Variants in CAB39L observed in about 807,000 individuals in gnomAD.
The protein encoded by CAB39L is calcium-binding protein 39-like.
A neutral mutation model predicts 39.1 loss-of-function variants in CAB39L; 23 were observed. The observed-to-expected ratio is 0.59, with a 90% confidence interval of 0.42 to 0.83. The LOEUF (loss-of-function observed/expected upper bound fraction) is 0.83, where lower values mean the gene tolerates loss of function less well. Among genes scored for constraint, CAB39L ranks in the 40% least tolerant of loss-of-function variants. CAB39L has a pLI of 0.00. For missense variants in CAB39L, 366 were observed against 391.9 expected, an observed-to-expected ratio of 0.93 and a Z score of 0.56; for synonymous variants, 126 against 137.2, an observed-to-expected ratio of 0.92 and a Z score of 0.57.
chr13:49,370,153 A>C (rs1474499666), intron 5 of CAB39L, among the ~76,000 whole-genome samples: 2 of 152,130 alleles, frequency 1.3e-5, no homozygotes, highest in Admixed American at 1.3e-4. Flanking sequence ...TGAATGGATT[A>C]GTGAGGGATC....
intron 5 of CAB39L, among the ~76,000 whole-genome samples, chr13:49,368,498 C>T (rs1955829630): frequency 1.3e-5 from 2 of 151,912 alleles, no homozygotes; most frequent in South Asian, 4.1e-4. Flanking sequence ...TTTTGCAACC[C>T]GCAGGCTGCC....
At chr13:49,431,077 T>C (rs74403654) in intron 3 of CAB39L, among the ~76,000 whole-genome samples, 2,883 of 152,356 alleles carry the variant, frequency 0.019, 86 homozygotes, top group African/African-American at 0.066. Flanking sequence ...AGTTTGGACA[T>C]ATGTGTATTT....
At position 49,382,921 on chromosome 13, in the gene CAB39L, CTCT is replaced by C; in HGVS notation, c.-14_-12del. The C allele has an allele frequency of 6.7e-7, 1 of 1,492,718 alleles. No homozygotes were observed. The highest frequency in any genetic ancestry group is 9.3e-7 in the Non-Finnish European group (1 of 1,076,100). 92.5% of individuals were successfully genotyped at this position (1,492,718 alleles called of 1,614,324 possible). On this transcript the variant is annotated 5_prime_UTR_variant, in exon 4 of 11. Transcript: ENST00000409308. ...AGGCATTTTTTTCATGTGTAGAAAT[CTCT>C]TCTTCCAATATGGAATGCTAAAAAC... is the stretch of plus-strand genomic sequence containing the variant.
At chr13:49,381,255 A>G (rs564148309) in intron 4 of CAB39L, among the ~76,000 whole-genome samples, 1 of 152,310 alleles carries the variant, frequency 6.6e-6, no homozygotes, top group African/African-American at 2.4e-5. Flanking sequence ...GTAATTTTTC[A>G]TATCCTTAAT....
intron 3 of CAB39L, among the ~76,000 whole-genome samples, chr13:49,418,396 G>A (rs1201181296): frequency 6.6e-6 from 1 of 152,128 alleles, no homozygotes; most frequent in Non-Finnish European, 1.5e-5. Context: ...AAGGGGAAGT[G>A]ACTGCTAAGG....
At chr13:49,342,781 G>C (rs1955041525) in intron 8 of CAB39L, among the ~76,000 whole-genome samples, 2 of 152,164 alleles carry the variant, frequency 1.3e-5, no homozygotes, top group Non-Finnish European at 2.9e-5. Context: ...GAGATGTGCT[G>C]TAAGTGTAAA....
intron 9 of CAB39L, among the ~76,000 whole-genome samples, chr13:49,334,683 G>A (rs1036360850): frequency 2.0e-5 from 3 of 152,196 alleles, no homozygotes; most frequent in Non-Finnish European, 4.4e-5. Flanking sequence ...ACTGTGTGAT[G>A]TGCATGGGTA....
chr13:49,323,696 G>A (rs909451933), intron 10 of CAB39L, among the ~76,000 whole-genome samples: 1 of 152,142 alleles, frequency 6.6e-6, no homozygotes, highest in Non-Finnish European at 1.5e-5. Context: ...TTAACATGAC[G>A]ATGCTTGTCA....
chr13:49,406,698 T>C (rs959504915), intron 3 of CAB39L, among the ~76,000 whole-genome samples: 14 of 152,220 alleles, frequency 9.2e-5, no homozygotes, highest in Admixed American at 9.2e-4. Context: ...TAGTTTGTTT[T>C]GATGCTTTTA....
intron 10 of CAB39L, among the ~76,000 whole-genome samples, chr13:49,322,376 T>A (rs1295398822): frequency 1.3e-5 from 2 of 152,228 alleles, no homozygotes; most frequent in Non-Finnish European, 2.9e-5. Flanking sequence ...AAGTATTCAA[T>A]GAGTATGTCC....
intron 7 of CAB39L, among the ~76,000 whole-genome samples, chr13:49,346,104 T>TATATATATATATATATATAG (rs1955158715): frequency 2.2e-5 from 1 of 44,950 alleles, no homozygotes; most frequent in African/African-American, 8.9e-5. Flanking sequence ...ATGCTAGATA[T>TATATATATATATATATATAG]ATATATATAT....
At chr13:49,391,252 T>C (rs1956482993) in intron 3 of CAB39L, among the ~76,000 whole-genome samples, 1 of 152,164 alleles carries the variant, frequency 6.6e-6, no homozygotes, top group African/African-American at 2.4e-5. Flanking sequence ...AATTCTATAC[T>C]TTACCAATTA....
chr13:49,412,237 T>C (rs540115492), intron 3 of CAB39L, among the ~76,000 whole-genome samples: 2 of 152,282 alleles, frequency 1.3e-5, no homozygotes, highest in Non-Finnish European at 1.5e-5. Flanking sequence ...ATTTTAAAAT[T>C]AGTCACTGAT....
chr13:49,358,501 A>G (rs758321064), intron 6 of CAB39L, among the ~76,000 whole-genome samples: 1 of 152,196 alleles, frequency 6.6e-6, no homozygotes, highest in Admixed American at 6.5e-5. Context: ...GATGAAAACA[A>G]TGATGAACAA....
chr13:49,342,692 A>C (rs1346799224), intron 8 of CAB39L, among the ~76,000 whole-genome samples: 2 of 152,182 alleles, frequency 1.3e-5, no homozygotes, highest in African/African-American at 4.8e-5. Flanking sequence ...CCCTTCCCTA[A>C]GTCCTAGTTT....
chr13:49,374,772 C>T (rs187570113), intron 5 of CAB39L, among the ~76,000 whole-genome samples: 7 of 152,170 alleles, frequency 4.6e-5, no homozygotes, highest in Admixed American at 3.3e-4. Flanking sequence ...CTGAACCTGA[C>T]GACATCTCAT....
chr13:49,422,509 G>A (rs776092172), intron 3 of CAB39L, among the ~76,000 whole-genome samples: 4 of 152,184 alleles, frequency 2.6e-5, no homozygotes, highest in Non-Finnish European at 4.4e-5. Context: ...GGAGGTGGAG[G>A]TTACAGTGAG....
At chr13:49,408,444 T>C (rs1956926139) in intron 3 of CAB39L, among the ~76,000 whole-genome samples, 1 of 152,102 alleles carries the variant, frequency 6.6e-6, no homozygotes, top group African/African-American at 2.4e-5. Context: ...TGGAGCAATA[T>C]ATCTGGGGGT....
rs139128676 is a variant in CAB39L, at chr13:49,349,919, G to A, written c.564+825C>T. 2.2e-3 allele frequency among the ~76,000 whole-genome samples: 335 copies of A among 152,232 alleles called. 3 individuals are homozygous for A. The highest frequency in any genetic ancestry group is 7.5e-3 in the African/African-American group (311 of 41,542). ...TCGAATGTAACATCACTCATTAGAT[G>A]ACTAAGTTTTGGTATGTTTGTCTGC... is the stretch of plus-strand genomic sequence containing the variant. On this transcript the variant is annotated intron_variant, in intron 7 of 10. Coordinates refer to ENST00000409308, the MANE Select transcript of CAB39L (RefSeq NM_001079670.3).
Sources: gnomAD v4.1 joint callset for allele counts (sites outside exome capture counted in the v4.1 genomes callset) on GRCh38, gnomAD v4.1.1 for gene constraint, MANE v1.5 for transcripts, NCBI Gene and HGNC (gene_info 2026-07-23, HGNC 2026-07-21) for gene names.